Variants in UBN2 observed in about 807,000 individuals in gnomAD.
UBN2 encodes the protein ubinuclein 2, also known as ubinuclein-2.
Under a neutral mutation model 120.2 loss-of-function variants are expected in UBN2, and 35 were observed. The ratio of observed to expected loss-of-function variants is 0.29; its 90% confidence interval spans 0.22 to 0.39. The LOEUF is 0.39. Ranked by LOEUF, UBN2 falls within the 10% of genes least tolerant of loss-of-function variation. The pLI is 1.00. For synonymous variants in UBN2, 661 were observed against 648.7 expected (o/e 1.02, Z -0.29); for missense variants, 1,693 against 1,663.2 (o/e 1.02, Z -0.31).
rs371819353 is a variant in UBN2 at position 139,258,539 on chromosome 7, A to G, written c.715A>G (p.Ile239Val). Residue 239 changes from isoleucine (I) to valine (V), a missense_variant, in exon 4 of 18, where the codon ATC (isoleucine) becomes GTC (valine). Physicochemically the swap from Ile to Val is conservative, Grantham distance 29. Coordinates refer to ENST00000473989, the MANE Select transcript of UBN2 (RefSeq NM_173569.4). ...AACAACAAAATATGGAGGCTTTTAT[A>G]TCAACACTGGCACTCTACAGTTTCG... ...SLTTKYGGFY[I>V]NTGTLQFRQA... The G allele has an allele frequency of 2.2e-5, 36 of 1,603,612 alleles. No homozygotes were observed. In the African/African-American group the frequency reaches 4.9e-4, roughly 22 times the overall value.
At chr7:139,321,832 A>G in the UBN2 span, among the ~76,000 whole-genome samples, 1 of 152,168 alleles carries the variant, frequency 6.6e-6, no homozygotes, top group Non-Finnish European at 1.5e-5. Flanking sequence ...GACAGCAGCC[A>G]GCAAGGCCGG....
the UBN2 span, among the ~76,000 whole-genome samples, chr7:139,327,646 C>T: frequency 6.6e-6 from 1 of 152,148 alleles, no homozygotes; most frequent in African/African-American, 2.4e-5. Context: ...GCCTCACCTC[C>T]CAACACTTGC....
chr7:139,315,499 A>G, the UBN2 span: 1 of 152,098 alleles, frequency 6.6e-6, no homozygotes, highest in African/African-American at 2.4e-5. Context: ...CCCAAATAAT[A>G]TCTCATTGTA....
rs1798201953 is a variant in UBN2 at position 139,299,416 on chromosome 7, A to AAAGGG, written c.*1580_*1581insAAGGG. On this transcript the variant is annotated 3_prime_UTR_variant, in exon 18 of 18. Coordinates refer to ENST00000473989, the MANE Select transcript of UBN2 (RefSeq NM_173569.4). ...TTAACCAGGCCCTTTTTTCTTTTAT[A>AAAGGG]CACAAAAGTCCCAGATACCCTACAG... The AAAGGG allele has an allele frequency of 6.6e-6, 1 of 152,148 alleles. No individual in the cohort carries two copies. The highest frequency in any genetic ancestry group is 2.4e-5 in the African/African-American group (1 of 41,420). The allele number at this position is 152,148 out of a possible 1,614,324, so 9.4% of individuals were successfully genotyped here.
At position 139,269,484 on chromosome 7, in the gene UBN2, A is replaced by G. The variant is rs1424684442; in HGVS notation, c.1557A>G (p.Thr519=). Residue 519 remains threonine, a synonymous_variant, in exon 8 of 18, where the codon ACA becomes ACG. Transcript: ENST00000473989. The part of the protein sequence containing the change: ...LEAFVPCNKE[T]LVKRLKKLHL... ...CTTTTGTGCCATGCAATAAAGAAAC[A>G]CTAGTAAAACGTCTGAAGAAGTTAC... is the stretch of plus-strand genomic sequence containing the variant. The G allele has an allele frequency of 9.9e-6, 16 of 1,614,184 alleles. No homozygotes were observed. The highest frequency in any genetic ancestry group is 1.4e-5 in the Non-Finnish European group (16 of 1,180,032).
At chr7:139,266,458 A>G in intron 7 of UBN2, 55 bp downstream of exon 7, 1 of 1,086,972 alleles carries the variant, frequency 9.2e-7, no homozygotes, top group Non-Finnish European at 1.4e-6. Context: ...TAAAAAATGT[A>G]ATAGGCCTTT....
Position 139,308,019 on chromosome 7 carries a change from T to A in UBN2, c.*10183T>A, listed in dbSNP as rs1798393435. 1 of 144,386 alleles carries A rather than the reference T, an allele frequency of 6.9e-6. No individual in the cohort carries two copies. The highest frequency in any genetic ancestry group is 1.5e-5 in the Non-Finnish European group (1 of 67,690). The allele number at this position is 144,386 out of a possible 1,614,324, so 8.9% of individuals were successfully genotyped here. ...GAATATACTCCTTCAGTGCAGGGAT[T>A]TTTGTGTTTTTTTTTTTTTTTTAAT... On this transcript the variant is annotated 3_prime_UTR_variant, in exon 18 of 18. Transcript: ENST00000473989.
intron 5 of UBN2, 82 bp downstream of exon 5, chr7:139,259,452 C>G: frequency 6.5e-7 from 1 of 1,537,522 alleles, no homozygotes; most frequent in East Asian, 2.3e-5. Flanking sequence ...TTACCATTAA[C>G]TAATTCAACC....
intron 2 of UBN2, among the ~76,000 whole-genome samples, chr7:139,243,987 T>C (rs1796391676): frequency 6.6e-6 from 1 of 152,148 alleles, no homozygotes; most frequent in South Asian, 2.1e-4. Flanking sequence ...CCAAACCTAA[T>C]AAAATAACAT....
chr7:139,262,847 C>G (rs1796981252), intron 6 of UBN2, among the ~76,000 whole-genome samples: 1 of 151,696 alleles, frequency 6.6e-6, no homozygotes, highest in Admixed American at 6.6e-5. Context: ...TTTTGTTATT[C>G]CATGTGGCCC....
intron 7 of UBN2, among the ~76,000 whole-genome samples, chr7:139,267,015 G>T (rs927528641): frequency 6.6e-6 from 1 of 152,160 alleles, no homozygotes; most frequent in Non-Finnish European, 1.5e-5. Context: ...CTCAGAGTTT[G>T]ATACTAATGA....
intron 15 of UBN2, 134 bp downstream of exon 15, chr7:139,284,708 A>G: frequency 1.3e-6 from 1 of 749,682 alleles, no homozygotes; most frequent in Non-Finnish European, 2.1e-6. Flanking sequence ...GCAGCCATGG[A>G]ATGTTCCTGA....
intron 7 of UBN2, among the ~76,000 whole-genome samples, chr7:139,267,234 A>G (rs1344285572): frequency 1.3e-5 from 2 of 152,182 alleles, no homozygotes; most frequent in Non-Finnish European, 2.9e-5. Context: ...ATCATGTATT[A>G]TAGAAAGACA....
At chr7:139,316,092 AAAAAAAAAAAAAAAAG>A in the UBN2 span, among the ~76,000 whole-genome samples, 10 of 145,218 alleles carry the variant, frequency 6.9e-5, no homozygotes, top group Admixed American at 1.4e-4. Context: ...AAAAAAAAAA[AAAAAAAAAAAAAAAAG>A]GGGTTCCAGT....
the UBN2 span, among the ~76,000 whole-genome samples, chr7:139,325,522 G>A: frequency 0.18 from 27,684 of 151,936 alleles, 2,772 homozygotes; most frequent in Admixed American, 0.31. Context: ...ACCTGCCTCG[G>A]CCTCCCAAAG....
At chr7:139,269,973 A>AT (rs1208226598) in intron 8 of UBN2, among the ~76,000 whole-genome samples, 1 of 151,842 alleles carries the variant, frequency 6.6e-6, no homozygotes, top group Admixed American at 6.6e-5. Context: ...TACCCTGGCC[A>AT]TTTTTTAATT....
intron 2 of UBN2, among the ~76,000 whole-genome samples, chr7:139,242,317 G>A (rs923544822): frequency 6.6e-6 from 1 of 152,118 alleles, no homozygotes; most frequent in Non-Finnish European, 1.5e-5. Context: ...CACTTGCTGA[G>A]GGGTTAGAGC....
At chr7:139,239,950 G>A (rs985814548) in intron 2 of UBN2, among the ~76,000 whole-genome samples, 3 of 152,154 alleles carry the variant, frequency 2.0e-5, no homozygotes, top group Non-Finnish European at 4.4e-5. Flanking sequence ...TATAAGTAAA[G>A]TGATTCAGTA....
chr7:139,272,550 G>A (rs1015545646), intron 9 of UBN2, 110 bp downstream of exon 9: 7 of 760,230 alleles, frequency 9.2e-6, no homozygotes, highest in South Asian at 2.2e-5. Context: ...ATTTTGAGAC[G>A]GAATCTCAGT....
Sources: gnomAD v4.1 joint callset for allele counts (sites outside exome capture counted in the v4.1 genomes callset) on GRCh38, gnomAD v4.1.1 for gene constraint, MANE v1.5 for transcripts, NCBI Gene and HGNC (gene_info 2026-07-23, HGNC 2026-07-21) for gene names.